GRM1: variants seen among roughly 807,000 people sequenced by gnomAD.
GRM1 encodes glutamate metabotropic receptor 1, also known as metabotropic glutamate receptor 1.
Under a neutral mutation model 90.9 loss-of-function variants are expected in GRM1, and 33 were observed. That is an observed-to-expected ratio of 0.36 (90% CI 0.28 to 0.49). GRM1 has a LOEUF of 0.49. Ranked by LOEUF, GRM1 falls within the 20% of genes least tolerant of loss-of-function variation. The pLI is 0.99. For synonymous variants in GRM1, 700 were observed against 613.2 expected, an observed-to-expected ratio of 1.14 and a Z score of -2.09; for missense variants, 1,190 against 1,534.3, an observed-to-expected ratio of 0.78 and a Z score of 3.75.
chr6:146,256,694 G>C (rs117674815), intron 2 of GRM1, among the ~76,000 whole-genome samples: 2,688 of 152,138 alleles, frequency 0.018, 36 homozygotes, highest in Non-Finnish European at 0.024. Context: ...TGACCCTGTG[G>C]ACCTTCTCAA....
At chr6:146,079,682 T>C (rs1776298794) in intron 1 of GRM1, among the ~76,000 whole-genome samples, 1 of 152,194 alleles carries the variant, frequency 6.6e-6, no homozygotes, top group African/African-American at 2.4e-5. Context: ...GGTATTGAAA[T>C]GTCTTTTTCT....
At chr6:146,236,976 A>G (rs995454157) in intron 2 of GRM1, among the ~76,000 whole-genome samples, 2 of 152,120 alleles carry the variant, frequency 1.3e-5, no homozygotes, top group African/African-American at 4.8e-5. Context: ...AAGAGTTCAC[A>G]CTTCACCTTT....
intron 5 of GRM1, among the ~76,000 whole-genome samples, chr6:146,368,637 G>A (rs559146513): frequency 6.6e-5 from 10 of 151,806 alleles, no homozygotes; most frequent in South Asian, 2.1e-4. Flanking sequence ...TGATCATATC[G>A]TTTTTGTTCT....
intron 1 of GRM1, among the ~76,000 whole-genome samples, chr6:146,095,766 A>C (rs1004973103): frequency 2.6e-5 from 4 of 152,134 alleles, no homozygotes; most frequent in Non-Finnish European, 5.9e-5. Context: ...AGAGTAACAG[A>C]CACTGAATTA....
At position 146,416,527 on chromosome 6, in the gene GRM1, GC is replaced by G. The variant is rs1167990300; in HGVS notation, c.2660+16829del. Among the ~76,000 whole-genome samples the G allele has an allele frequency of 3.3e-5, 5 of 152,100 alleles. No individual in the cohort carries two copies. The East Asian group carries it at 9.7e-4, about 29-fold the overall frequency. ...TAAATTTATCTTGCATCACTGTTGT[GC>G]TTTTTTCACATGCATTTCATTTCTA... On this transcript the variant is annotated intron_variant, in intron 7 of 7. Transcript: ENST00000282753.
intron 1 of GRM1, among the ~76,000 whole-genome samples, chr6:146,096,560 A>C (rs890643898): frequency 2.6e-5 from 4 of 152,324 alleles, no homozygotes; most frequent in African/African-American, 9.6e-5. Flanking sequence ...CTACAATATT[A>C]ATCTCATGAA....
chr6:146,251,721 A>T (rs985149224), intron 2 of GRM1, among the ~76,000 whole-genome samples: 13 of 152,140 alleles, frequency 8.5e-5, no homozygotes, highest in Non-Finnish European at 2.9e-5. Context: ...AACTCCAACC[A>T]TATCCCTTAT....
chr6:146,086,969 C>T (rs1776567918), intron 1 of GRM1, among the ~76,000 whole-genome samples: 1 of 151,948 alleles, frequency 6.6e-6, no homozygotes, highest in Non-Finnish European at 1.5e-5. Context: ...TGCAGATTTC[C>T]CCCCTTTAAA....
intron 2 of GRM1, among the ~76,000 whole-genome samples, chr6:146,208,858 T>C (rs1367924886): frequency 6.6e-6 from 1 of 152,128 alleles, no homozygotes; most frequent in Non-Finnish European, 1.5e-5. Flanking sequence ...CCAGTGATTA[T>C]AAACAGCATA....
rs148043496 is a variant in GRM1, at chr6:146,083,552, T to C, written c.700+53335T>C. On this transcript the variant is annotated intron_variant, in intron 1 of 7. Coordinates refer to ENST00000282753, the MANE Select transcript of GRM1 (RefSeq NM_001278064.2). Reference sequence around the variant, plus strand: ...GATTGTATTTATTGATTTGTGCATGTTGAACCAGCCTTGCATCCTAGGGAT... The same window carrying C: ...GATTGTATTTATTGATTTGTGCATGCTGAACCAGCCTTGCATCCTAGGGAT... 3.4e-4 allele frequency among the ~76,000 whole-genome samples: 52 copies of C among 152,370 alleles called. No individual in the cohort carries two copies. The East Asian group carries it at 8.1e-3, about 24-fold the overall frequency.
At chr6:146,405,039 C>T (rs1250352776) in intron 7 of GRM1, among the ~76,000 whole-genome samples, 1 of 152,122 alleles carries the variant, frequency 6.6e-6, no homozygotes, top group Non-Finnish European at 1.5e-5. Context: ...AAATAGGACT[C>T]TTATGATTTG....
rs376731424 is a variant in GRM1, at chr6:146,255,976, G to A, written c.951-48635G>A. ...GGTTTCCTTGTTGTGACACTATTCT[G>A]GTGCTTTGACTCAAGCTGTATCCTA... is the stretch of plus-strand genomic sequence containing the variant. On this transcript the variant is annotated intron_variant, in intron 2 of 7. Transcript: ENST00000282753. 6.6e-5 allele frequency among the ~76,000 whole-genome samples: 10 copies of A among 152,184 alleles called. No individual in the cohort carries two copies. In the East Asian group the frequency reaches 1.2e-3, roughly 18 times the overall value.
chr6:146,356,121 G>A (rs1785572677), intron 4 of GRM1, among the ~76,000 whole-genome samples: 3 of 152,174 alleles, frequency 2.0e-5, no homozygotes. Flanking sequence ...GGTTATGCCA[G>A]TACAAAGTTG....
rs145343960 is a variant in GRM1 at position 146,350,001 on chromosome 6, G to A, written c.1187-2249G>A. On this transcript the variant is annotated intron_variant, in intron 3 of 7. Coordinates refer to ENST00000282753, the MANE Select transcript of GRM1 (RefSeq NM_001278064.2). ...CCTGGTTTGCCTTATTTACACCTGTGTTCTCAAAATAATTGTTGCTAACAC... is the reference window on the plus strand; with the variant it reads ...CCTGGTTTGCCTTATTTACACCTGTATTCTCAAAATAATTGTTGCTAACAC... Among the ~76,000 whole-genome samples, 352 of 152,060 alleles carry A rather than the reference G, an allele frequency of 2.3e-3. 4 individuals carry two copies. Among genetic ancestry groups the A allele is most frequent in the African/African-American group, 8.3e-3 (343 of 41,492 alleles).
intron 2 of GRM1, among the ~76,000 whole-genome samples, chr6:146,288,284 G>A (rs533858354): frequency 6.6e-6 from 1 of 152,080 alleles, no homozygotes; most frequent in Non-Finnish European, 1.5e-5. Flanking sequence ...GCTGGAGAGG[G>A]TACAAATGGA....
chr6:146,327,816 C>A (rs916712982), intron 3 of GRM1, among the ~76,000 whole-genome samples: 10 of 152,190 alleles, frequency 6.6e-5, no homozygotes, highest in South Asian at 6.2e-4. Context: ...CCTCACCCCC[C>A]ACTTTCCCTA....
intron 2 of GRM1, among the ~76,000 whole-genome samples, chr6:146,187,389 G>A (rs1333348518): frequency 6.6e-6 from 1 of 152,052 alleles, no homozygotes; most frequent in Non-Finnish European, 1.5e-5. Context: ...TTTTCCAAAT[G>A]AGGACATTTA....
intron 3 of GRM1, among the ~76,000 whole-genome samples, chr6:146,351,709 C>T (rs1189394605): frequency 6.6e-6 from 1 of 151,792 alleles, no homozygotes; most frequent in Admixed American, 6.6e-5. Context: ...CCCCATCAAC[C>T]GTATATAAGA....
intron 2 of GRM1, among the ~76,000 whole-genome samples, chr6:146,281,934 T>C (rs868682995): frequency 1.3e-4 from 20 of 152,340 alleles, no homozygotes; most frequent in Admixed American, 2.6e-4. Flanking sequence ...TAAACTGTTA[T>C]GATACTGTAT....
Sources: gnomAD v4.1 joint callset for allele counts (sites outside exome capture counted in the v4.1 genomes callset) on GRCh38, gnomAD v4.1.1 for gene constraint, MANE v1.5 for transcripts, NCBI Gene and HGNC (gene_info 2026-07-23, HGNC 2026-07-21) for gene names.